Variants in NR2C2 observed in about 807,000 individuals in gnomAD.
NR2C2 encodes Nuclear hormone receptor TR4.
In NR2C2, 6 loss-of-function variants were observed where a neutral mutation model predicts 62.9. The ratio of observed to expected loss-of-function variants is 0.10; its 90% CI spans 0.05 to 0.19. The LOEUF is 0.19. Ranked by LOEUF, NR2C2 falls within the 10% of genes least tolerant of loss-of-function variation. The pLI is 1.00. For synonymous variants in NR2C2, 272 were observed against 273.8 expected (o/e 0.99, Z 0.07); for missense variants, 479 against 762.7 (o/e 0.63, Z 4.38).
At chr3:15,038,238 A>AGATT in intron 12 of NR2C2, 101 bp downstream of exon 12, 1 of 1,240,724 alleles carries the variant, frequency 8.1e-7, no homozygotes, top group Non-Finnish European at 1.1e-6. Flanking sequence ...AGAGCCCTGC[A>AGATT]GATTGTATGT....
intron 3 of NR2C2, among the ~76,000 whole-genome samples, chr3:15,015,350 C>T (rs908917880): frequency 2.0e-5 from 3 of 152,186 alleles, no homozygotes; most frequent in African/African-American, 7.2e-5. Flanking sequence ...GAATTGCTGT[C>T]GCCTAGAAAA....
At chr3:14,981,835 G>A (rs1029979308) in intron 1 of NR2C2, among the ~76,000 whole-genome samples, 2 of 152,114 alleles carry the variant, frequency 1.3e-5, no homozygotes, top group Admixed American at 6.5e-5. Flanking sequence ...TTCGATGTTC[G>A]AGGGCAGGAA....
intron 2 of NR2C2, chr3:15,004,423 G>A (rs2041109041): frequency 1.3e-6 from 1 of 770,924 alleles, no homozygotes; most frequent in Non-Finnish European, 1.9e-6. Flanking sequence ...GAATCAAAGG[G>A]ATATTGCTTA....
chr3:14,998,639 T>C (rs1274820040), intron 1 of NR2C2, among the ~76,000 whole-genome samples: 2 of 152,250 alleles, frequency 1.3e-5, no homozygotes, highest in African/African-American at 2.4e-5. Flanking sequence ...TGTAATGATA[T>C]ATGATTTGCA....
intron 1 of NR2C2, among the ~76,000 whole-genome samples, chr3:14,975,403 T>C (rs1236116262): frequency 6.6e-6 from 1 of 152,248 alleles, no homozygotes; most frequent in Admixed American, 6.5e-5. Flanking sequence ...ATTCCTATTT[T>C]GTTACGTGTT....
intron 1 of NR2C2, among the ~76,000 whole-genome samples, chr3:14,990,383 A>C (rs1372583196): frequency 6.6e-6 from 1 of 152,208 alleles, no homozygotes; most frequent in Non-Finnish European, 1.5e-5. Flanking sequence ...CCCTAGAAGC[A>C]ATTAGTCATA....
At chr3:15,002,265 AT>A (rs2041028909) in intron 1 of NR2C2, among the ~76,000 whole-genome samples, 1 of 152,060 alleles carries the variant, frequency 6.6e-6, no homozygotes, top group African/African-American at 2.4e-5. Flanking sequence ...TATCTCGTTT[AT>A]TGAGTGTTTT....
At position 15,019,630 on chromosome 3, in the gene NR2C2, A is replaced by G. The variant is rs562914049; in HGVS notation, c.377-1123A>G. 3.9e-5 allele frequency among the ~76,000 whole-genome samples: 6 copies of G among 152,296 alleles called. No homozygotes were observed. The East Asian group carries it at 9.6e-4, about 24-fold the overall frequency. On this transcript the variant is annotated intron_variant, in intron 4 of 13. Coordinates refer to ENST00000425241, the MANE Select transcript of NR2C2 (RefSeq NM_001291694.2). ...GTGACAACATAGATGAACATGGAGG[A>G]CATCATGTTACATGAAATAAGCCAG...
intron 12 of NR2C2, 83 bp downstream of exon 12, chr3:15,038,220 G>A: frequency 7.1e-7 from 1 of 1,417,864 alleles, no homozygotes; most frequent in Non-Finnish European, 9.5e-7. Context: ...GTCATCATTG[G>A]TGTAGAAAGA....
At chr3:14,980,453 G>A (rs946251707) in intron 1 of NR2C2, among the ~76,000 whole-genome samples, 5 of 152,008 alleles carry the variant, frequency 3.3e-5, no homozygotes, top group Non-Finnish European at 5.9e-5. Flanking sequence ...GTGAGCTGTC[G>A]TGCCCAGCCT....
chr3:14,995,912 T>G (rs1364058879), intron 1 of NR2C2, among the ~76,000 whole-genome samples: 1 of 152,228 alleles, frequency 6.6e-6, no homozygotes, highest in Non-Finnish European at 1.5e-5. Flanking sequence ...GATTTTTATT[T>G]GTATTTCCAG....
chr3:15,016,594 C>A (rs1248137978), intron 4 of NR2C2, among the ~76,000 whole-genome samples: 2 of 152,136 alleles, frequency 1.3e-5, no homozygotes, highest in African/African-American at 2.4e-5. Context: ...TTTGTATAAT[C>A]CCCCTTCATC....
chr3:14,975,461 G>A (rs973646849), intron 1 of NR2C2, among the ~76,000 whole-genome samples: 1 of 152,136 alleles, frequency 6.6e-6, no homozygotes, highest in African/African-American at 2.4e-5. Context: ...TTTTCCATCA[G>A]TTCAGAGGAT....
intron 1 of NR2C2, among the ~76,000 whole-genome samples, chr3:14,983,562 A>C (rs2040434928): frequency 6.6e-6 from 1 of 151,440 alleles, no homozygotes; most frequent in Middle Eastern, 3.2e-3. Context: ...TTAACTTTTA[A>C]TTTTTCTTAA....
chr3:14,983,817 C>G (rs35287134), intron 1 of NR2C2, among the ~76,000 whole-genome samples: 16,747 of 152,088 alleles, frequency 0.11, 1,082 homozygotes, highest in Middle Eastern at 0.17. Flanking sequence ...AGAATTTGTT[C>G]ATTTTGTCTG....
chr3:14,969,338 G>A (rs1256595303), intron 1 of NR2C2, among the ~76,000 whole-genome samples: 7 of 146,740 alleles, frequency 4.8e-5, no homozygotes, highest in Admixed American at 7.0e-5. Flanking sequence ...AACCACTTCC[G>A]TTCAAGCAAT....
chr3:14,961,268 T>G (rs1013481189), intron 1 of NR2C2, among the ~76,000 whole-genome samples: 4 of 152,210 alleles, frequency 2.6e-5, no homozygotes, highest in African/African-American at 9.6e-5. Flanking sequence ...AATAGAATGA[T>G]GTAGAAAGTT....
intron 1 of NR2C2, among the ~76,000 whole-genome samples, chr3:14,961,068 ACTGGTGGT>A (rs1488884529): frequency 6.6e-6 from 1 of 152,262 alleles, no homozygotes; most frequent in African/African-American, 2.4e-5. Flanking sequence ...AGTAACTGAT[ACTGGTGGT>A]CTCATGTCAT....
At chr3:14,997,583 A>T (rs1281121196) in intron 1 of NR2C2, among the ~76,000 whole-genome samples, 1 of 152,080 alleles carries the variant, frequency 6.6e-6, no homozygotes, top group Non-Finnish European at 1.5e-5. Context: ...GCCTCACCAT[A>T]CCTCCTATAA....
Sources: gnomAD v4.1 joint callset for allele counts (sites outside exome capture counted in the v4.1 genomes callset) on GRCh38, gnomAD v4.1.1 for gene constraint, MANE v1.5 for transcripts, NCBI Gene and HGNC (gene_info 2026-07-23, HGNC 2026-07-21) for gene names.